The following RTTN variants were observed in gnomAD, a reference collection of about 807,000 sequenced individuals.
The protein encoded by RTTN is rotatin.
In RTTN, 182 loss-of-function variants were observed where a neutral mutation model predicts 269.2. That is an observed-to-expected ratio of 0.68 (90% CI 0.60 to 0.76). RTTN has a LOEUF of 0.76. RTTN is among the 30% of genes least tolerant of loss of function. The pLI is 0.00. For missense variants in RTTN, 2,545 were observed against 2,608.6 expected (o/e 0.98, Z 0.53); for synonymous variants, 1,006 against 963.5 (o/e 1.04, Z -0.82).
At position 70,028,776 on chromosome 18, in the gene RTTN, C is replaced by T; in HGVS notation, c.5771G>A (p.Ser1924Asn). Residue 1924 changes from serine (S) to asparagine (N), a missense_variant, in exon 43 of 49, where the codon AGC (serine) becomes AAC (asparagine). By Grantham distance (46) the Ser-to-Asn change is conservative (BLOSUM62 1). Transcript: ENST00000640769. Reference sequence around the variant, plus strand: ...GTTTCTTAGGAGCTGCATGGCAATGCTTAACTCTTTAATAACACCATCCTC... The same window carrying T: ...GTTTCTTAGGAGCTGCATGGCAATGTTTAACTCTTTAATAACACCATCCTC... ...KKEDGVIKEL[S>N]IAMQLLRNCL... is the part of the protein sequence containing the mutation. 1 of 1,611,894 alleles carries T rather than the reference C, an allele frequency of 6.2e-7. No individual in the cohort carries two copies. The highest frequency in any genetic ancestry group is 8.5e-7 in the Non-Finnish European group (1 of 1,178,512).
intron 11 of RTTN, among the ~76,000 whole-genome samples, chr18:70,172,349 CA>C (rs1181534845): frequency 6.6e-6 from 1 of 151,970 alleles, no homozygotes; most frequent in Non-Finnish European, 1.5e-5. Context: ...AGTGGCAACT[CA>C]AAAAAACCAC....
chr18:70,136,510 A>G (rs1017260379), intron 21 of RTTN, among the ~76,000 whole-genome samples: 3 of 151,954 alleles, frequency 2.0e-5, no homozygotes, highest in Non-Finnish European at 2.9e-5. Context: ...ATAATAAAAA[A>G]CCCTACAAGT....
intron 26 of RTTN, among the ~76,000 whole-genome samples, chr18:70,115,560 T>C (rs2059583918): frequency 6.6e-6 from 1 of 151,858 alleles, no homozygotes; most frequent in Non-Finnish European, 1.5e-5. Context: ...ACTTTTTGAA[T>C]AAACTAGAAG....
chr18:70,028,400 T>C (rs544099446), intron 43 of RTTN, among the ~76,000 whole-genome samples: 1 of 152,218 alleles, frequency 6.6e-6, no homozygotes, highest in East Asian at 1.9e-4. Context: ...CTTATTTCCT[T>C]GAAGAGTTGT....
chr18:70,009,581 C>T (rs2056306656), intron 46 of RTTN, among the ~76,000 whole-genome samples: 1 of 152,046 alleles, frequency 6.6e-6, no homozygotes, highest in African/African-American at 2.4e-5. Context: ...CTGAAGGAAG[C>T]ACTAAATATG....
At chr18:70,094,547 T>C (rs1394987876) in intron 28 of RTTN, among the ~76,000 whole-genome samples, 1 of 152,218 alleles carries the variant, frequency 6.6e-6, no homozygotes, top group Non-Finnish European at 1.5e-5. Flanking sequence ...ATTTACCCAG[T>C]AGTCATTCAG....
Position 70,065,748 on chromosome 18 carries a change from G to C in RTTN, c.4747+81C>G, listed in dbSNP as rs2058115837. On this transcript the variant is annotated intron_variant, in intron 35 of 48. Transcript: ENST00000640769. ...TATTTCATTAAAATTTTGTTCTTTAGACATTTACTTTCAAAATATCTGTCT... is the reference window on the plus strand; with the variant it reads ...TATTTCATTAAAATTTTGTTCTTTACACATTTACTTTCAAAATATCTGTCT... 3 of 852,850 alleles carry C rather than the reference G, an allele frequency of 3.5e-6. No individual in the cohort carries two copies. In the South Asian group the frequency reaches 7.2e-5, roughly 20 times the overall value. 52.8% of individuals were successfully genotyped at this position (852,850 alleles called of 1,614,324 possible). A position where few individuals can be genotyped will look rare whatever the true frequency, so the allele number is the denominator to read the frequency against.
At position 70,092,671 on chromosome 18, in the gene RTTN, C is replaced by T. The variant is rs756096769; in HGVS notation, c.4032+5G>A. The T allele has an allele frequency of 1.2e-6, 2 of 1,611,480 alleles. No individual in the cohort carries two copies. The highest frequency in any genetic ancestry group is 4.5e-5 in the East Asian group (2 of 44,848). ...TCAGAAGATAGACAGCTTTAACGCGCTCACCAAGCTCCCAGCCTGGGCCAT... is the reference window on the plus strand; with the variant it reads ...TCAGAAGATAGACAGCTTTAACGCGTTCACCAAGCTCCCAGCCTGGGCCAT... On this transcript the variant is annotated splice_donor_5th_base_variant and intron_variant, in intron 29 of 48. Coordinates refer to ENST00000640769, the MANE Select transcript of RTTN (RefSeq NM_173630.4).
At chr18:70,182,638 T>C (rs2061446062) in intron 10 of RTTN, among the ~76,000 whole-genome samples, 1 of 152,150 alleles carries the variant, frequency 6.6e-6, no homozygotes, top group Non-Finnish European at 1.5e-5. Context: ...AGATATTAAA[T>C]GACAAATGAT....
intron 43 of RTTN, 108 bp from the exon 44 acceptor site, chr18:70,024,956 T>C: frequency 7.9e-7 from 1 of 1,262,112 alleles, no homozygotes; most frequent in Non-Finnish European, 1.1e-6. Flanking sequence ...AGGAGAACCC[T>C]GTGGATGGCT....
chr18:70,078,445 T>C (rs1191925563), intron 32 of RTTN, among the ~76,000 whole-genome samples: 1 of 151,884 alleles, frequency 6.6e-6, no homozygotes, highest in Non-Finnish European at 1.5e-5. Flanking sequence ...AGAGAAAGGA[T>C]GATTAAGAGC....
In RTTN at chr18:70,167,006, A is replaced by G. The variant is rs2145911465; in HGVS notation, c.1715T>C (p.Val572Ala). 3.7e-6 allele frequency: 6 copies of G among 1,612,788 alleles called. No individual in the cohort carries two copies. The East Asian group carries it at 6.7e-5, about 18-fold the overall frequency. The change falls in exon 13 of 49, where the codon GTG becomes GCG. Residue 572 changes from valine to alanine, a missense_variant. Physicochemically the swap from Val to Ala is moderately conservative, Grantham distance 64. Coordinates refer to ENST00000640769, the MANE Select transcript of RTTN (RefSeq NM_173630.4). ...ACGCAAGGCTTGGTCTGCCAGCTCC[A>G]CTAATTCTAAGAGATTCTTCTCTCC... Reference protein sequence around the residue: ...KEGEKNLLELVELADQALRSF... With the variant: ...KEGEKNLLELAELADQALRSF...
rs377434292 is a variant in RTTN, at chr18:70,054,120, A to G, written c.5185+11T>C. The G allele has an allele frequency of 2.5e-6, 4 of 1,606,640 alleles. No individual in the cohort carries two copies. Among genetic ancestry groups the G allele is most frequent in the Non-Finnish European group, 3.4e-6 (4 of 1,174,012 alleles). ...TTCACTTACATTCTAAACTAAAACA[A>G]TTAAGCTTACCTAATACATCTTTGG... On this transcript the variant is annotated intron_variant, in intron 38 of 48. Coordinates refer to ENST00000640769, the MANE Select transcript of RTTN (RefSeq NM_173630.4).
At chr18:70,022,376 A>G (rs1458419053) in intron 44 of RTTN, among the ~76,000 whole-genome samples, 1 of 151,792 alleles carries the variant, frequency 6.6e-6, no homozygotes, top group Non-Finnish European at 1.5e-5. Context: ...GCTGTGCTCT[A>G]GCTCTCACCT....
intron 23 of RTTN, chr18:70,129,399 A>C (rs1377521718): frequency 6.6e-6 from 1 of 152,178 alleles, no homozygotes; most frequent in African/African-American, 2.4e-5. Flanking sequence ...AAGCTATAGT[A>C]ACCAAAACAG....
intron 39 of RTTN, 149 bp from the exon 40 acceptor site, chr18:70,048,337 C>T (rs1452873922): frequency 2.8e-6 from 2 of 717,824 alleles, no homozygotes; most frequent in Non-Finnish European, 4.5e-6. Context: ...GGAGCTGGTG[C>T]CAACCAGAAC....
intron 4 of RTTN, 130 bp from the exon 5 acceptor site, chr18:70,199,634 T>C (rs1474251359): frequency 3.4e-6 from 2 of 592,064 alleles, no homozygotes; most frequent in East Asian, 3.1e-5. Flanking sequence ...ACCTAAAATA[T>C]ACCAAACAAG....
chr18:70,018,826 C>CTTTTTTT (rs5825984), intron 45 of RTTN, among the ~76,000 whole-genome samples: 1 of 48,958 alleles, frequency 2.0e-5, no homozygotes, highest in Non-Finnish European at 4.1e-5. Flanking sequence ...GTGGGCACTC[C>CTTTTTTT]TTTTTTTTTT....
rs561764760 is a variant in RTTN, at chr18:70,181,424, A to G, written c.1306-4579T>C. 1.7e-3 allele frequency among the ~76,000 whole-genome samples: 261 copies of G among 152,314 alleles called. 1 individual carries two copies. Among genetic ancestry groups the G allele is most frequent in the Non-Finnish European group, 1.0e-3 (68 of 68,022 alleles). ...AGACCTGATTTGATGATGGAGGACT[A>G]GGGGGAATGACATATGACATACTTT... On this transcript the variant is annotated intron_variant, in intron 10 of 48. Coordinates refer to ENST00000640769, the MANE Select transcript of RTTN (RefSeq NM_173630.4).
Sources: gnomAD v4.1 joint callset for allele counts (sites outside exome capture counted in the v4.1 genomes callset) on GRCh38, gnomAD v4.1.1 for gene constraint, MANE v1.5 for transcripts, NCBI Gene and HGNC (gene_info 2026-07-23, HGNC 2026-07-21) for gene names.